FHIT: variants seen among roughly 807,000 people sequenced by gnomAD.
The protein encoded by FHIT is fragile histidine triad diadenosine triphosphatase.
In FHIT, 19 loss-of-function variants were observed where a neutral mutation model predicts 17.9. The ratio of observed to expected loss-of-function variants is 1.06; its 90% CI spans 0.74 to 1.56. The LOEUF (loss-of-function observed/expected upper bound fraction) is 1.56. FHIT is among the 40% of genes most tolerant of loss of function. The pLI is 0.00. For synonymous variants in FHIT, 81 were observed against 69.7 expected, an observed-to-expected ratio of 1.16 and a Z score of -0.81; for missense variants, 248 against 189.2, an observed-to-expected ratio of 1.31 and a Z score of -1.82.
At chr3:60,694,298 A>T (rs2041064002) in intron 4 of FHIT, among the ~76,000 whole-genome samples, 1 of 149,416 alleles carries the variant, frequency 6.7e-6, no homozygotes, top group South Asian at 2.1e-4. Flanking sequence ...ACATTAAATA[A>T]AAAAAAAAAG....
chr3:60,935,057 T>C lies in FHIT; in HGVS notation c.-111+106990A>G, dbSNP rs566219646. ...GTGAGAGAGGCACTTTAAAAAAATA[T>C]GTGAGATGCATTGAGAGACAGATGG... On this transcript the variant is annotated intron_variant, in intron 3 of 9. Transcript: ENST00000492590. 8.5e-5 allele frequency among the ~76,000 whole-genome samples: 13 copies of C among 152,240 alleles called. No homozygotes were observed. The South Asian group carries it at 2.5e-3, about 29-fold the overall frequency.
chr3:59,992,512 T>C (rs2107476197), intron 7 of FHIT, among the ~76,000 whole-genome samples: 1 of 152,198 alleles, frequency 6.6e-6, no homozygotes, highest in East Asian at 1.9e-4. Flanking sequence ...ATCAGGATTT[T>C]CAGAAACCTG....
At chr3:60,433,380 ATG>A (rs2107303425) in intron 5 of FHIT, among the ~76,000 whole-genome samples, 1 of 152,272 alleles carries the variant, frequency 6.6e-6, no homozygotes, top group East Asian at 1.9e-4. Context: ...TGCAATGAAC[ATG>A]AGAGTGCTAA....
intron 7 of FHIT, among the ~76,000 whole-genome samples, chr3:59,927,770 AAACAAC>A (rs150252337): frequency 0.068 from 10,387 of 151,874 alleles, 653 homozygotes; most frequent in East Asian, 0.3. Context: ...CTCTGTCTCA[AAACAAC>A]AACAACAACA....
intron 8 of FHIT, among the ~76,000 whole-genome samples, chr3:59,819,145 C>T (rs1700705085): frequency 6.6e-6 from 1 of 152,170 alleles, no homozygotes; most frequent in South Asian, 2.1e-4. Context: ...GATACAACTT[C>T]TGTTAACAAT....
chr3:60,314,382 T>C (rs1219570030), intron 5 of FHIT, among the ~76,000 whole-genome samples: 2 of 152,116 alleles, frequency 1.3e-5, no homozygotes, highest in Non-Finnish European at 2.9e-5. Context: ...AGGCCGTGAA[T>C]GATTAAATAA....
chr3:61,085,499 C>A (rs1272198793), intron 2 of FHIT, among the ~76,000 whole-genome samples: 2 of 151,978 alleles, frequency 1.3e-5, no homozygotes, highest in African/African-American at 4.8e-5. Context: ...CATAAGAATT[C>A]TTTATATATT....
At chr3:60,066,725 C>T (rs562198361) in intron 5 of FHIT, among the ~76,000 whole-genome samples, 13 of 138,878 alleles carry the variant, frequency 9.4e-5, no homozygotes, top group Middle Eastern at 4.5e-3. Context: ...GGCACGATCT[C>T]GGCTCACTGC....
intron 5 of FHIT, among the ~76,000 whole-genome samples, chr3:60,410,312 GT>G (rs1702016772): frequency 6.6e-6 from 1 of 152,134 alleles, no homozygotes. Context: ...CCTCTCCGGA[GT>G]TAAGGGTACT....
chr3:59,891,092 T>C (rs563151754), intron 8 of FHIT, among the ~76,000 whole-genome samples: 115 of 152,308 alleles, frequency 7.6e-4, no homozygotes, highest in Non-Finnish European at 1.2e-3. Context: ...GGTTCCCAAA[T>C]TGGTGGGATA....
At chr3:60,026,932 C>G (rs1028801125) in intron 5 of FHIT, among the ~76,000 whole-genome samples, 4 of 151,936 alleles carry the variant, frequency 2.6e-5, no homozygotes, top group Admixed American at 1.3e-4. Flanking sequence ...AATCCTGTCT[C>G]TACTAAAAAT....
Position 60,816,323 on chromosome 3 carries a change from G to A in FHIT, c.-18+5596C>T, listed in dbSNP as rs149939721. 6.5e-3 allele frequency among the ~76,000 whole-genome samples: 982 copies of A among 151,930 alleles called. 8 individuals are homozygous for A. Among genetic ancestry groups the A allele is most frequent in the African/African-American group, 0.023 (938 of 41,488 alleles). On this transcript the variant is annotated intron_variant, in intron 4 of 9. Transcript: ENST00000492590. Reference sequence around the variant, plus strand: ...GGGCATCTTTGTCTTGTTCCAGTTCGCAAGGGTAATGCTTTCAGTTTTTGC... The same window carrying A: ...GGGCATCTTTGTCTTGTTCCAGTTCACAAGGGTAATGCTTTCAGTTTTTGC...
intron 8 of FHIT, among the ~76,000 whole-genome samples, chr3:59,819,669 T>C (rs915047949): frequency 6.6e-6 from 1 of 152,198 alleles, no homozygotes; most frequent in Non-Finnish European, 1.5e-5. Context: ...TTGTTTTTGT[T>C]GTTACCATCA....
At chr3:60,340,498 A>T (rs1710462938) in intron 5 of FHIT, among the ~76,000 whole-genome samples, 1 of 152,216 alleles carries the variant, frequency 6.6e-6, no homozygotes, top group Non-Finnish European at 1.5e-5. Flanking sequence ...TGCTCTGAAC[A>T]GATACAAATC....
chr3:61,105,081 T>G (rs2035950928), intron 2 of FHIT, among the ~76,000 whole-genome samples: 1 of 152,184 alleles, frequency 6.6e-6, no homozygotes, highest in Non-Finnish European at 1.5e-5. Context: ...TTCAGCCATC[T>G]CAACCTGGTT....
At chr3:60,860,649 A>AT (rs1312204284) in intron 3 of FHIT, among the ~76,000 whole-genome samples, 2 of 106,966 alleles carry the variant, frequency 1.9e-5, no homozygotes, top group Admixed American at 9.5e-5. Flanking sequence ...ATACATATGT[A>AT]CATATATCAG....
chr3:60,243,545 A>G lies in FHIT; in HGVS notation c.104-229393T>C, dbSNP rs114680855. ...ACAAATGGCTACATCTTTTGACCAA[A>G]TTCCATCATGCTTTAAGCTCCACGG... On this transcript the variant is annotated intron_variant, in intron 5 of 9. Transcript: ENST00000492590. Among the ~76,000 whole-genome samples, 1,329 of 152,136 alleles carry G rather than the reference A, an allele frequency of 8.7e-3. 10 individuals carry two copies. The highest frequency in any genetic ancestry group is 0.065 in the Middle Eastern group (19 of 294).
intron 5 of FHIT, among the ~76,000 whole-genome samples, chr3:60,413,559 C>T (rs1305935154): frequency 2.0e-5 from 3 of 152,142 alleles, no homozygotes; most frequent in African/African-American, 7.2e-5. Context: ...GGTAAATTGA[C>T]CACTGTCTCT....
At chr3:60,150,830 A>T (rs1427125352) in intron 5 of FHIT, among the ~76,000 whole-genome samples, 1 of 151,994 alleles carries the variant, frequency 6.6e-6, no homozygotes. Context: ...GAGGTAGGAG[A>T]ATTGCTTGAA....
Sources: allele counts gnomAD v4.1 joint callset (sites outside exome capture counted in the v4.1 genomes callset), GRCh38; gene constraint gnomAD v4.1.1; transcripts MANE v1.5; gene names NCBI Gene and HGNC (gene_info 2026-07-23, HGNC 2026-07-21).